The following ZBTB20 variants were observed in gnomAD, a reference collection of about 807,000 sequenced individuals.
ZBTB20 encodes zinc finger and BTB domain containing 20.
In ZBTB20, 9 loss-of-function variants were observed where a neutral mutation model predicts 56.9. The observed-to-expected ratio is 0.16, with a 90% CI of 0.10 to 0.28. The LOEUF (loss-of-function observed/expected upper bound fraction) is 0.28, where lower values mean the gene tolerates loss of function less well. Ranked by LOEUF, ZBTB20 falls within the 10% of genes least tolerant of loss-of-function variation. The pLI is 1.00. For missense variants in ZBTB20, 655 were observed against 1,003.0 expected (o/e 0.65, Z 4.69); for synonymous variants, 417 against 420.7 (o/e 0.99, Z 0.11).
intron 7 of ZBTB20, among the ~76,000 whole-genome samples, chr3:114,468,677 A>G (rs1278214325): frequency 6.6e-6 from 1 of 152,184 alleles, no homozygotes; most frequent in Non-Finnish European, 1.5e-5. Flanking sequence ...TCTTTTCAAT[A>G]ATTCTTTGTC....
intron 4 of ZBTB20, among the ~76,000 whole-genome samples, chr3:114,862,245 T>A (rs187410172): frequency 3.9e-4 from 60 of 152,324 alleles, no homozygotes; most frequent in Non-Finnish European, 6.2e-4. Flanking sequence ...TAGAATATTA[T>A]CATATCTTCA....
chr3:114,355,230 G>A (rs541868141), intron 10 of ZBTB20, among the ~76,000 whole-genome samples: 1 of 152,134 alleles, frequency 6.6e-6, no homozygotes, highest in African/African-American at 2.4e-5. Flanking sequence ...TGCAAATTTT[G>A]TTCATCTAAA....
chr3:114,637,557 G>T (rs1404531023), intron 6 of ZBTB20, among the ~76,000 whole-genome samples: 2 of 151,932 alleles, frequency 1.3e-5, no homozygotes, highest in Admixed American at 1.3e-4. Context: ...CTTTATTTTG[G>T]TATTTCCACA....
intron 6 of ZBTB20, among the ~76,000 whole-genome samples, chr3:114,654,439 TC>T (rs1414126708): frequency 4.6e-5 from 7 of 151,948 alleles, no homozygotes; most frequent in African/African-American, 4.8e-5. Context: ...TTTATTGTTT[TC>T]TTTTTTTATT....
At chr3:115,105,354 G>A (rs1412624861) in intron 1 of ZBTB20, among the ~76,000 whole-genome samples, 1 of 152,116 alleles carries the variant, frequency 6.6e-6, no homozygotes, top group Admixed American at 6.5e-5. Context: ...TAAGTGACTT[G>A]CCTGAGATCA....
At chr3:115,075,205 T>C (rs2082552697) in intron 1 of ZBTB20, among the ~76,000 whole-genome samples, 1 of 152,144 alleles carries the variant, frequency 6.6e-6, no homozygotes, top group African/African-American at 2.4e-5. Flanking sequence ...ACAGGTACAA[T>C]GCTATACAGA....
At chr3:114,959,716 T>TAC (rs1356999465) in intron 3 of ZBTB20, among the ~76,000 whole-genome samples, 4 of 107,794 alleles carry the variant, frequency 3.7e-5, no homozygotes, top group Non-Finnish European at 5.9e-5. Flanking sequence ...TATATTTATA[T>TAC]ACATACACAC....
At chr3:114,720,187 C>T (rs183630857) in intron 5 of ZBTB20, among the ~76,000 whole-genome samples, 33 of 148,826 alleles carry the variant, frequency 2.2e-4, no homozygotes, top group Admixed American at 2.0e-3. Context: ...TCTTATACAT[C>T]TAGTACATGA....
At chr3:114,567,163 T>C (rs779305026) in intron 6 of ZBTB20, among the ~76,000 whole-genome samples, 1 of 152,200 alleles carries the variant, frequency 6.6e-6, no homozygotes, top group South Asian at 2.1e-4. Context: ...CATGTTATTG[T>C]GTGACTTTTC....
At chr3:114,341,118 C>T (rs974744766) in intron 11 of ZBTB20, among the ~76,000 whole-genome samples, 2 of 152,222 alleles carry the variant, frequency 1.3e-5, no homozygotes, top group Non-Finnish European at 2.9e-5. Context: ...TTGAAGCACA[C>T]TGACCAGACA....
At chr3:114,598,003 G>T (rs1274154269) in intron 6 of ZBTB20, among the ~76,000 whole-genome samples, 1 of 152,108 alleles carries the variant, frequency 6.6e-6, no homozygotes, top group Non-Finnish European at 1.5e-5. Flanking sequence ...GGAAATTGCA[G>T]TAAAATCTCA....
chr3:115,053,526 T>C (rs948385361), intron 2 of ZBTB20, among the ~76,000 whole-genome samples: 1 of 152,198 alleles, frequency 6.6e-6, no homozygotes. Flanking sequence ...TTAAGTGGAA[T>C]AGTGAGAGTA....
intron 6 of ZBTB20, among the ~76,000 whole-genome samples, chr3:114,562,353 C>T (rs1334827872): frequency 3.9e-5 from 6 of 152,028 alleles, no homozygotes; most frequent in Admixed American, 6.5e-5. Flanking sequence ...TTAGTAGAGA[C>T]GGGGTTTCAC....
At chr3:115,045,463 T>C (rs990406439) in intron 2 of ZBTB20, among the ~76,000 whole-genome samples, 3 of 151,990 alleles carry the variant, frequency 2.0e-5, no homozygotes, top group South Asian at 4.1e-4. Flanking sequence ...GTCATATATA[T>C]TTAAAAATAC....
chr3:114,458,709 G>C (rs1202425447), intron 7 of ZBTB20, among the ~76,000 whole-genome samples: 1 of 151,400 alleles, frequency 6.6e-6, no homozygotes, highest in East Asian at 1.9e-4. Flanking sequence ...CCATTTATTA[G>C]CTCTGACTTA....
At chr3:114,841,323 A>T (rs2074375173) in intron 4 of ZBTB20, among the ~76,000 whole-genome samples, 1 of 152,172 alleles carries the variant, frequency 6.6e-6, no homozygotes. Context: ...CAAAGAGTAG[A>T]ACATATGCAA....
chr3:114,409,725 A>C (rs1000971650), intron 7 of ZBTB20, among the ~76,000 whole-genome samples: 1 of 152,134 alleles, frequency 6.6e-6, no homozygotes, highest in Admixed American at 6.5e-5. Context: ...AAATGAGGGA[A>C]ATATTGTGTC....
chr3:114,646,419 G>A (rs190991629), intron 6 of ZBTB20, among the ~76,000 whole-genome samples: 3 of 152,294 alleles, frequency 2.0e-5, no homozygotes, highest in African/African-American at 7.2e-5. Context: ...TCTTCCAAGA[G>A]AAAACTCCAT....
intron 1 of ZBTB20, among the ~76,000 whole-genome samples, chr3:115,072,950 G>A (rs1344114039): frequency 1.3e-5 from 2 of 152,152 alleles, no homozygotes; most frequent in East Asian, 3.9e-4. Context: ...AATAATATCT[G>A]TCTTATGAGA....
Sources: allele counts gnomAD v4.1 joint callset (sites outside exome capture counted in the v4.1 genomes callset), GRCh38; gene constraint gnomAD v4.1.1; transcripts MANE v1.5; gene names NCBI Gene and HGNC (gene_info 2026-07-23, HGNC 2026-07-21).